HMCN1: variants seen among roughly 807,000 people sequenced by gnomAD.
HMCN1 encodes the protein hemicentin-1.
In HMCN1, 321 loss-of-function variants were observed where a neutral mutation model predicts 625.9. The ratio of observed to expected loss-of-function variants is 0.51; its 90% CI spans 0.47 to 0.56. HMCN1 has a LOEUF of 0.56. HMCN1 is among the 20% of genes least tolerant of loss of function. The pLI, the probability that HMCN1 is intolerant of heterozygous loss-of-function variation, is 0.00. For synonymous variants in HMCN1, 2,425 were observed against 2,417.6 expected, an observed-to-expected ratio of 1.00 and a Z score of -0.09; for missense variants, 6,588 against 6,887.3, an observed-to-expected ratio of 0.96 and a Z score of 1.54.
At chr1:185,750,981 C>G (rs544683583) in intron 1 of HMCN1, among the ~76,000 whole-genome samples, 24 of 152,028 alleles carry the variant, frequency 1.6e-4, no homozygotes, top group Non-Finnish European at 3.2e-4. Flanking sequence ...GGGCTTTATT[C>G]TGATCACCTT....
intron 6 of HMCN1, among the ~76,000 whole-genome samples, chr1:185,921,552 G>T (rs1667006500): frequency 6.6e-6 from 1 of 152,086 alleles, no homozygotes; most frequent in Admixed American, 6.6e-5. Flanking sequence ...AGTGCATTCT[G>T]TCATTGCTAT....
intron 22 of HMCN1, among the ~76,000 whole-genome samples, chr1:185,991,738 G>T (rs1652442861): frequency 6.7e-6 from 1 of 150,136 alleles, no homozygotes; most frequent in Non-Finnish European, 1.5e-5. Context: ...GCTTTTCAGT[G>T]AATAGCTTTG....
chr1:185,803,931 A>G (rs1658995722), intron 1 of HMCN1, among the ~76,000 whole-genome samples: 1 of 152,062 alleles, frequency 6.6e-6, no homozygotes, highest in African/African-American at 2.4e-5. Context: ...TCTTCAGAAT[A>G]CATCTTCTTG....
intron 1 of HMCN1, among the ~76,000 whole-genome samples, chr1:185,750,529 G>T (rs1006653463): frequency 6.6e-6 from 1 of 152,028 alleles, no homozygotes; most frequent in African/African-American, 2.4e-5. Context: ...TTTTATCTTT[G>T]TAGTGAATTG....
intron 1 of HMCN1, among the ~76,000 whole-genome samples, chr1:185,769,768 C>G (rs1469195484): frequency 6.6e-6 from 1 of 152,142 alleles, no homozygotes; most frequent in Non-Finnish European, 1.5e-5. Context: ...GCTGCTGAGT[C>G]AGGTAAGCCC....
rs749425654 is a variant in HMCN1 at position 186,139,950 on chromosome 1, T to TA, written c.13924+1979dup. Among the ~76,000 whole-genome samples the TA allele has an allele frequency of 2.1e-3, 313 of 152,236 alleles. 1 individual carries two copies. The highest frequency in any genetic ancestry group is 0.019 in the Admixed American group (285 of 15,286). ...ATGTGAAAATCTCGGGGGCAGAAGA[T>TA]ACTTGGCTTTAGTACAGTTCATTTC... On this transcript the variant is annotated intron_variant, in intron 89 of 106. Coordinates refer to ENST00000271588, the MANE Select transcript of HMCN1 (RefSeq NM_031935.3).
At chr1:186,015,494 C>A in intron 31 of HMCN1, 57 bp downstream of exon 31, 1 of 1,499,132 alleles carries the variant, frequency 6.7e-7, no homozygotes. Flanking sequence ...TTCTAATAGG[C>A]AAATATCGAA....
chr1:186,013,341 G>A (rs1447070561), intron 30 of HMCN1, among the ~76,000 whole-genome samples: 1 of 152,120 alleles, frequency 6.6e-6, no homozygotes, highest in East Asian at 1.9e-4. Flanking sequence ...GCATCTCCTG[G>A]CCTGTGGGCC....
In HMCN1 at chr1:186,166,858, T is replaced by G; in HGVS notation, c.15490T>G (p.Cys5164Gly). ...GCATACCTGCCACGCTGGTCAGGAC[T>G]GTGACAATACGATTGGATCTTATCG... ...GRHTCHAGQD[C>G]DNTIGSYRCV... Residue 5164 changes from cysteine (C) to glycine (G), a missense_variant, in exon 100 of 107, where the codon TGT (cysteine) becomes GGT (glycine). Cys to Gly is a radical substitution (Grantham distance 159). Coordinates refer to ENST00000271588, the MANE Select transcript of HMCN1 (RefSeq NM_031935.3). 6.2e-7 allele frequency: 1 copy of G among 1,614,200 alleles called. No individual in the cohort carries two copies. The highest frequency in any genetic ancestry group is 2.2e-5 in the East Asian group (1 of 44,884).
chr1:185,801,980 G>A (rs571851563), intron 1 of HMCN1, among the ~76,000 whole-genome samples: 1 of 152,170 alleles, frequency 6.6e-6, no homozygotes, highest in Non-Finnish European at 1.5e-5. Flanking sequence ...ATGGATTAGA[G>A]AGGAATTCAT....
chr1:186,119,275 G>A lies in HMCN1; in HGVS notation c.11933G>A (p.Arg3978Gln), dbSNP rs756043609. 19 of 1,613,306 alleles carry A rather than the reference G, an allele frequency of 1.2e-5. No individual in the cohort carries two copies. The highest frequency in any genetic ancestry group is 1.7e-5 in the Admixed American group (1 of 59,982). The part of the protein sequence containing the change: ...VARNAAGSAH[R>Q]HVTLHVHEPP... ...AGGAATGCGGCTGGCTCTGCACATC[G>A]ACACGTGACCCTTCATGTTCATGGT... The change falls in exon 78 of 107, where the codon CGA (arginine) becomes CAA (glutamine). Residue 3978 changes from arginine (R) to glutamine (Q), a missense_variant. By Grantham distance (43) the Arg-to-Gln change is conservative. Transcript: ENST00000271588.
chr1:186,065,346 AG>A lies in HMCN1; in HGVS notation c.7624del (p.Val2542CysfsTer35). ...CGTTTTCTTCAAATTACCAATGTCC[AG>A]GTGCCACACACTGGAAGATATACAT... ...GGRFLQITNV[Q>X]VPHTGRYTCL... On this transcript the variant is annotated frameshift_variant, in exon 49 of 107. Coordinates refer to ENST00000271588, the MANE Select transcript of HMCN1 (RefSeq NM_031935.3). LOFTEE classifies it high-confidence loss of function. The A allele has an allele frequency of 6.2e-7, 1 of 1,612,498 alleles. No individual in the cohort carries two copies. Among genetic ancestry groups the A allele is most frequent in the Non-Finnish European group, 8.5e-7 (1 of 1,179,720 alleles).
chr1:186,136,839 A>C lies in HMCN1; in HGVS notation c.13484A>C (p.Tyr4495Ser). The C allele has an allele frequency of 6.2e-7, 1 of 1,614,080 alleles. No individual in the cohort carries two copies. Among genetic ancestry groups the C allele is most frequent in the South Asian group, 1.1e-5 (1 of 91,088 alleles). ...RVNVLSNNSL[Y>S]IADAQKEDTS... ...AACGTGTTGTCCAACAACTCATTAT[A>C]TATTGCTGATGCTCAGAAAGAAGAT... Residue 4495 changes from tyrosine (Y) to serine (S), a missense_variant, in exon 87 of 107, where the codon TAT becomes TCT. Physicochemically the swap from Tyr to Ser is moderately radical, Grantham distance 144 (BLOSUM62 -2). This residue lies in a region of HMCN1 where 1,954 missense variants were observed against 2,013.1 expected (regional missense o/e 0.97). Coordinates refer to ENST00000271588, the MANE Select transcript of HMCN1 (RefSeq NM_031935.3).
chr1:185,806,407 T>G (rs1659171207), intron 1 of HMCN1, among the ~76,000 whole-genome samples: 1 of 151,980 alleles, frequency 6.6e-6, no homozygotes, highest in South Asian at 2.1e-4. Flanking sequence ...AATGCTGGAC[T>G]TGGTGGCACA....
At chr1:185,922,284 A>G in intron 6 of HMCN1, 95 bp from the exon 7 acceptor site, 1 of 1,366,078 alleles carries the variant, frequency 7.3e-7, no homozygotes, top group East Asian at 2.3e-5. Context: ...ATCGATCCTA[A>G]TTAAATATTG....
At chr1:185,736,670 T>G (rs971021353) in intron 1 of HMCN1, among the ~76,000 whole-genome samples, 1 of 152,252 alleles carries the variant, frequency 6.6e-6, no homozygotes, top group African/African-American at 2.4e-5. Flanking sequence ...TGAAGTGATA[T>G]GAAAACTTAT....
At chr1:185,994,343 A>G (rs1213126403) in intron 23 of HMCN1, among the ~76,000 whole-genome samples, 1 of 152,168 alleles carries the variant, frequency 6.6e-6, no homozygotes, top group Non-Finnish European at 1.5e-5. Context: ...TTAGCAAAAG[A>G]TTTCATGAGA....
chr1:186,116,301 T>G (rs1571373901), intron 75 of HMCN1, among the ~76,000 whole-genome samples: 1 of 152,108 alleles, frequency 6.6e-6, no homozygotes. Flanking sequence ...CAAATAGATA[T>G]TCTAATTTAG....
chr1:186,125,483 C>G, intron 81 of HMCN1, 121 bp from the exon 82 acceptor site: 1 of 749,532 alleles, frequency 1.3e-6, no homozygotes, highest in South Asian at 1.6e-5. Flanking sequence ...AATAGATTTT[C>G]ATTTTTAGTA....
Sources: gnomAD v4.1 joint callset for allele counts (sites outside exome capture counted in the v4.1 genomes callset) on GRCh38, gnomAD v4.1.1 for gene constraint, gnomAD v4.1.1 regional missense constraint, MANE v1.5 for transcripts, NCBI Gene and HGNC (gene_info 2026-07-23, HGNC 2026-07-21) for gene names.